The following SLC1A3 variants were observed in gnomAD, a reference collection of about 807,000 sequenced individuals.
SLC1A3 encodes the protein excitatory amino acid transporter 1.
A neutral mutation model predicts 48.1 loss-of-function variants in SLC1A3; 21 were observed. The observed-to-expected ratio is 0.44, with a 90% CI of 0.31 to 0.63. The LOEUF (loss-of-function observed/expected upper bound fraction) is 0.63, where lower values mean the gene tolerates loss of function less well. SLC1A3 is among the 20% of genes least tolerant of loss of function. The probability of loss-of-function intolerance (pLI) is 0.08; values close to 1 mark genes in which losing one functional copy is unlikely to be tolerated. For missense variants in SLC1A3, 546 were observed against 689.0 expected (o/e 0.79, Z 2.32); for synonymous variants, 239 against 251.4 (o/e 0.95, Z 0.47).
chr5:36,614,502 T>C (rs1186212128), intron 2 of SLC1A3, among the ~76,000 whole-genome samples: 1 of 152,162 alleles, frequency 6.6e-6, no homozygotes, highest in African/African-American at 2.4e-5. Flanking sequence ...GATACCATCA[T>C]TATCTGTCCC....
chr5:36,609,181 C>T (rs1214567154), intron 2 of SLC1A3: 7 of 984,326 alleles, frequency 7.1e-6, no homozygotes, highest in Non-Finnish European at 7.2e-6. Flanking sequence ...TTTGCAGAGC[C>T]TGCCATAACC....
At chr5:36,601,762 A>G (rs1738811196), upstream of SLC1A3, among the ~76,000 whole-genome samples, 2 of 150,432 alleles carry the variant, frequency 1.3e-5, no homozygotes, top group Admixed American at 1.3e-4. Flanking sequence ...TTTATTTTAC[A>G]TTGTAATGAT....
upstream of SLC1A3, among the ~76,000 whole-genome samples, chr5:36,605,869 G>A (rs769049685): frequency 6.6e-6 from 1 of 152,162 alleles, no homozygotes; most frequent in Admixed American, 6.5e-5. Flanking sequence ...CCTTTAAAAT[G>A]GAGACATCTG....
At position 36,686,303 on chromosome 5, in the gene SLC1A3, G is replaced by C; in HGVS notation, c.*34G>C. On this transcript the variant is annotated 3_prime_UTR_variant, in exon 10 of 10. Coordinates refer to ENST00000265113, the MANE Select transcript of SLC1A3 (RefSeq NM_004172.5). ...AAAGAAACACTTTCTTGAGCACCAG[G>C]TGTTAAAAACCATTATAAAATCTTT... is the stretch of plus-strand genomic sequence containing the variant. 2.7e-6 allele frequency: 4 copies of C among 1,484,614 alleles called. No individual in the cohort carries two copies. Among genetic ancestry groups the C allele is most frequent in the Non-Finnish European group, 1.9e-6 (2 of 1,061,758 alleles). The allele number at this position is 1,484,614 out of a possible 1,614,324, so 92.0% of individuals were successfully genotyped here. A position where few individuals can be genotyped will look rare whatever the true frequency, so the allele number is the denominator to read the frequency against.
chr5:36,632,546 T>C (rs1166741062), intron 3 of SLC1A3, among the ~76,000 whole-genome samples: 1 of 152,206 alleles, frequency 6.6e-6, no homozygotes, highest in Non-Finnish European at 1.5e-5. Flanking sequence ...TTCTGGTCTT[T>C]TCTGCACCAG....
intron 3 of SLC1A3, among the ~76,000 whole-genome samples, chr5:36,634,860 A>G (rs1561253967): frequency 6.6e-6 from 1 of 152,160 alleles, no homozygotes. Context: ...AAAATAATAA[A>G]TGTTGTACCT....
chr5:36,653,542 C>A (rs1741169526), intron 3 of SLC1A3, among the ~76,000 whole-genome samples: 1 of 152,178 alleles, frequency 6.6e-6, no homozygotes, highest in Non-Finnish European at 1.5e-5. Flanking sequence ...TCTAGATGAG[C>A]TTTTACAGTT....
intron 3 of SLC1A3, among the ~76,000 whole-genome samples, chr5:36,661,937 C>T (rs2111888540): frequency 6.6e-6 from 1 of 152,224 alleles, no homozygotes; most frequent in African/African-American, 2.4e-5. Flanking sequence ...CGTGCTATCT[C>T]GATCATCTTC....
chr5:36,628,317 T>C (rs992679674), intron 2 of SLC1A3, among the ~76,000 whole-genome samples: 6 of 152,172 alleles, frequency 3.9e-5, no homozygotes. Context: ...GTGTCCCATT[T>C]CATAAGAAGT....
In SLC1A3 at chr5:36,656,056, T is replaced by C. The variant is rs988850688; in HGVS notation, c.320-14973T>C. 6.6e-5 allele frequency among the ~76,000 whole-genome samples: 10 copies of C among 152,336 alleles called. No homozygotes were observed. In the South Asian group the frequency reaches 1.2e-3, roughly 19 times the overall value. ...GGTGTTGCAGTAAAGATTATACTTA[T>C]TCTACCTTAAAGTACTAAAATCCTA... On this transcript the variant is annotated intron_variant, in intron 3 of 9. Coordinates refer to ENST00000265113, the MANE Select transcript of SLC1A3 (RefSeq NM_004172.5).
chr5:36,628,478 A>G (rs1049697918), intron 2 of SLC1A3, among the ~76,000 whole-genome samples: 2 of 152,178 alleles, frequency 1.3e-5, no homozygotes, highest in Admixed American at 1.3e-4. Context: ...TTTCTCTATA[A>G]CTTACATGGA....
intron 3 of SLC1A3, among the ~76,000 whole-genome samples, chr5:36,637,433 A>T (rs998536209): frequency 3.3e-5 from 5 of 152,250 alleles, no homozygotes; most frequent in African/African-American, 4.8e-5. Context: ...TGTGTGAGTT[A>T]GAAATTCTTA....
At chr5:36,659,662 A>G (rs1741427834) in intron 3 of SLC1A3, among the ~76,000 whole-genome samples, 1 of 152,122 alleles carries the variant, frequency 6.6e-6, no homozygotes, top group African/African-American at 2.4e-5. Context: ...GTTTTCCTCC[A>G]ATTCCATTCC....
chr5:36,683,925 A>G lies in SLC1A3; in HGVS notation c.1351A>G (p.Met451Val), dbSNP rs773798737. Residue 451 changes from methionine to valine, a missense_variant, in exon 9 of 10, where the codon ATG becomes GTG. Physicochemically the swap from Met to Val is conservative, Grantham distance 21. Around this residue, in one of 3 missense-constraint regions of SLC1A3, gnomAD observed 142 missense variants for 238.0 expected, o/e 0.60. Transcript: ENST00000265113. ...AATTCCTCAGGCGGGCCTGGTCACT[A>G]TGGTCATTGTGCTGACATCTGTCGG... ...AGIPQAGLVT[M>V]VIVLTSVGLP... 10 of 1,614,174 alleles carry G rather than the reference A, an allele frequency of 6.2e-6. No individual in the cohort carries two copies. The highest frequency in any genetic ancestry group is 8.5e-6 in the Non-Finnish European group (10 of 1,180,012).
In SLC1A3 at chr5:36,680,475, C is replaced by A; in HGVS notation, c.1175C>A (p.Pro392His). 6.2e-7 allele frequency: 1 copy of A among 1,614,050 alleles called. No homozygotes were observed. Among genetic ancestry groups the A allele is most frequent in the South Asian group, 1.1e-5 (1 of 91,078 alleles). ...AAGCGCGTCACCAGATTCGTGCTCC[C>A]CGTAGGAGCCACCATTAACATGGAT... Reference protein sequence around the residue: ...VDKRVTRFVLPVGATINMDGT... With the variant: ...VDKRVTRFVLHVGATINMDGT... Residue 392 changes from proline to histidine, a missense_variant, in exon 8 of 10, where the codon CCC becomes CAC. Physicochemically the swap from Pro to His is moderately conservative, Grantham distance 77 (BLOSUM62 -2). Transcript: ENST00000265113.
chr5:36,627,045 A>G (rs938728238), intron 2 of SLC1A3, among the ~76,000 whole-genome samples: 28 of 152,178 alleles, frequency 1.8e-4, no homozygotes, highest in African/African-American at 5.5e-4. Flanking sequence ...ACACCTGTAC[A>G]TGTTTAATAT....
At chr5:36,646,646 A>T (rs1740852299) in intron 3 of SLC1A3, among the ~76,000 whole-genome samples, 1 of 152,196 alleles carries the variant, frequency 6.6e-6, no homozygotes, top group South Asian at 2.1e-4. Context: ...TGTGTGTTAG[A>T]GAGGCATAGA....
intron 1 of SLC1A3, among the ~76,000 whole-genome samples, chr5:36,597,470 C>T (rs1738758940): frequency 6.6e-6 from 1 of 152,004 alleles, no homozygotes; most frequent in Non-Finnish European, 1.5e-5. Flanking sequence ...TCTCGATCTC[C>T]TGACCTCGTG....
At chr5:36,685,517 C>T (rs1467413746) in intron 9 of SLC1A3, among the ~76,000 whole-genome samples, 1 of 152,204 alleles carries the variant, frequency 6.6e-6, no homozygotes, top group Non-Finnish European at 1.5e-5. Flanking sequence ...CTCAGGTGAA[C>T]CACCTGCCTT....
Sources: allele counts gnomAD v4.1 joint callset (sites outside exome capture counted in the v4.1 genomes callset), GRCh38; gene constraint gnomAD v4.1.1; regional missense constraint gnomAD v4.1.1; transcripts MANE v1.5; gene names NCBI Gene and HGNC (gene_info 2026-07-23, HGNC 2026-07-21).